Variants in FAT4 observed in about 807,000 individuals in gnomAD.
FAT4 encodes protocadherin Fat 4.
Under a neutral mutation model 303.9 loss-of-function variants are expected in FAT4, and 84 were observed. The observed-to-expected ratio is 0.28, with a 90% CI of 0.23 to 0.33. The LOEUF is 0.33. Ranked by LOEUF, FAT4 falls within the 10% of genes least tolerant of loss-of-function variation. FAT4 has a pLI of 1.00. For synonymous variants in FAT4, 2,307 were observed against 2,298.8 expected, an observed-to-expected ratio of 1.00 and a Z score of -0.10; for missense variants, 6,005 against 6,146.8, an observed-to-expected ratio of 0.98 and a Z score of 0.77.
At chr4:125,389,969 A>G (rs1470827189) in intron 2 of FAT4, among the ~76,000 whole-genome samples, 3 of 152,202 alleles carry the variant, frequency 2.0e-5, no homozygotes, top group Non-Finnish European at 4.4e-5. Flanking sequence ...GCTCTGCTAC[A>G]TGATGAAGTG....
chr4:125,481,658 C>G lies in FAT4; in HGVS notation c.12742C>G (p.Leu4248Val), dbSNP rs1727233813. The change falls in exon 16 of 18, where the codon CTG becomes GTG. Residue 4248 changes from leucine to valine, a missense_variant. Transcript: ENST00000394329. ...GTTGGAGCCTTTTGGTGTGAACAGT[C>G]TGGAAGTAAAATTTAGGACCAGAAG... ...AMLEPFGVNS[L>V]EVKFRTRSEN... The G allele has an allele frequency of 1.9e-6, 3 of 1,613,996 alleles. No individual in the cohort carries two copies. The East Asian group carries it at 6.7e-5, about 36-fold the overall frequency.
chr4:125,405,239 T>C (rs1230009181), intron 3 of FAT4, among the ~76,000 whole-genome samples: 1 of 152,128 alleles, frequency 6.6e-6, no homozygotes, highest in Non-Finnish European at 1.5e-5. Flanking sequence ...TTCCAAATCA[T>C]GACCATTGTG....
Position 125,406,973 on chromosome 4 carries a change from C to T in FAT4, c.5401C>T (p.Arg1801Trp), listed in dbSNP as rs201887525. The change falls in exon 4 of 18, where the codon CGG becomes TGG. Residue 1801 changes from arginine (R) to tryptophan (W), a missense_variant. Arg to Trp is a moderately radical substitution (Grantham distance 101). Coordinates refer to ENST00000394329, the MANE Select transcript of FAT4 (RefSeq NM_001291303.3). Reference sequence around the variant, plus strand: ...ATCCGGAGATCTGATAGCAACCAGGCGGTTGGACAGGGAACGCCGCTCCAA... The same window carrying T: ...ATCCGGAGATCTGATAGCAACCAGGTGGTTGGACAGGGAACGCCGCTCCAA... ...PESGDLIATRRLDRERRSKYS... is the reference protein window; with the variant it reads ...PESGDLIATRWLDRERRSKYS... 2.2e-4 allele frequency: 358 copies of T among 1,613,780 alleles called. 1 individual carries two copies. Among genetic ancestry groups the T allele is most frequent in the East Asian group, 3.3e-4 (15 of 44,846 alleles).
At chr4:125,369,458 T>TA (rs1312952079) in intron 2 of FAT4, among the ~76,000 whole-genome samples, 5 of 151,722 alleles carry the variant, frequency 3.3e-5, no homozygotes, top group Admixed American at 6.6e-5. Flanking sequence ...AACAAATAAA[T>TA]AAAAAAACAA....
At chr4:125,390,825 C>T (rs928475387) in intron 2 of FAT4, among the ~76,000 whole-genome samples, 9 of 152,086 alleles carry the variant, frequency 5.9e-5, no homozygotes, top group African/African-American at 2.2e-4. Flanking sequence ...CTGAACAAAA[C>T]ATATTAAGGA....
chr4:125,405,104 T>C (rs1458079322), intron 3 of FAT4, among the ~76,000 whole-genome samples: 1 of 152,040 alleles, frequency 6.6e-6, no homozygotes, highest in Non-Finnish European at 1.5e-5. Context: ...CCTTTGAACA[T>C]CATATTGGCA....
intron 3 of FAT4, among the ~76,000 whole-genome samples, chr4:125,406,140 G>T (rs1734598314): frequency 6.6e-6 from 1 of 151,974 alleles, no homozygotes; most frequent in Non-Finnish European, 1.5e-5. Flanking sequence ...TATAGTTTCA[G>T]GTCTTAATTT....
Position 125,408,532 on chromosome 4 carries a change from T to C in FAT4, c.5658T>C (p.Asp1886=). The C allele has an allele frequency of 6.2e-7, 1 of 1,613,032 alleles. No individual in the cohort carries two copies. The highest frequency in any genetic ancestry group is 2.2e-5 in the East Asian group (1 of 44,804). ...ITYIVNEDDE[D]GIFFLNPITG... is the part of the protein sequence containing the mutation. The stretch of plus-strand genomic sequence containing the variant: ...ATATTGTGAATGAAGATGATGAAGA[T>C]GGCATCTTTTTCCTGAATCCTATTA... Residue 1886 remains aspartate, a synonymous_variant, in exon 5 of 18, where the codon GAT becomes GAC. Transcript: ENST00000394329.
intron 6 of FAT4, 121 bp downstream of exon 6, chr4:125,415,927 C>A: frequency 1.4e-6 from 1 of 738,946 alleles, no homozygotes; most frequent in Non-Finnish European, 2.2e-6. Flanking sequence ...CATAAATGCT[C>A]AATTGCAGAT....
Position 125,318,284 on chromosome 4 carries a change from G to T in FAT4, c.1873G>T (p.Ala625Ser). 1 of 1,614,214 alleles carries T rather than the reference G, an allele frequency of 6.2e-7. No individual in the cohort carries two copies. The part of the protein sequence containing the change: ...NGTVRFSLQE[A>S]ETDRRSFRLD... ...AACAGTGCGCTTCTCCTTACAAGAGGCAGAGACTGACCGGAGGTCCTTCCG... is the reference window on the plus strand; with the variant it reads ...AACAGTGCGCTTCTCCTTACAAGAGTCAGAGACTGACCGGAGGTCCTTCCG... The change falls in exon 2 of 18, where the codon GCA becomes TCA. Residue 625 changes from alanine (A) to serine (S), a missense_variant. Ala to Ser is a moderately conservative substitution (Grantham distance 99). Coordinates refer to ENST00000394329, the MANE Select transcript of FAT4 (RefSeq NM_001291303.3).
Position 125,415,763 on chromosome 4 carries a change from A to G in FAT4, c.6800A>G (p.Asn2267Ser), listed in dbSNP as rs770338666. The G allele has an allele frequency of 9.3e-6, 15 of 1,613,676 alleles. No homozygotes were observed. In the African/African-American group the frequency reaches 1.9e-4, roughly 20 times the overall value. Residue 2267 changes from asparagine to serine, a missense_variant, in exon 6 of 18, where the codon AAT (asparagine) becomes AGT (serine). Transcript: ENST00000394329. The stretch of plus-strand genomic sequence containing the variant: ...TTTGAGCTATCTCCATATTCTGTAA[A>G]TGTCCCTGAGAATTTAGGGACACTA... The part of the protein sequence containing the change: ...PVFELSPYSV[N>S]VPENLGTLPR...
At position 125,319,259 on chromosome 4, in the gene FAT4, A is replaced by C. The variant is rs1170813238; in HGVS notation, c.2848A>C (p.Ser950Arg). The change falls in exon 2 of 18, where the codon AGT becomes CGT. Residue 950 changes from serine (S) to arginine (R), a missense_variant. Coordinates refer to ENST00000394329, the MANE Select transcript of FAT4 (RefSeq NM_001291303.3). ...FAINEKNGTISLLGPLDVHAG... is the reference protein window; with the variant it reads ...FAINEKNGTIRLLGPLDVHAG... Reference sequence around the variant, plus strand: ...TATCAATGAAAAGAATGGCACTATTAGTCTGCTTGGGCCCCTGGATGTTCA... The same window carrying C: ...TATCAATGAAAAGAATGGCACTATTCGTCTGCTTGGGCCCCTGGATGTTCA... 6.2e-7 allele frequency: 1 copy of C among 1,614,056 alleles called. No individual in the cohort carries two copies. The highest frequency in any genetic ancestry group is 8.5e-7 in the Non-Finnish European group (1 of 1,180,026).
At chr4:125,470,622 A>G (rs1726825831) in intron 12 of FAT4, among the ~76,000 whole-genome samples, 1 of 152,192 alleles carries the variant, frequency 6.6e-6, no homozygotes, top group Non-Finnish European at 1.5e-5. Flanking sequence ...AACCTCTGCT[A>G]CATTCCAACT....
At chr4:125,333,907 G>A (rs1342176508) in intron 2 of FAT4, among the ~76,000 whole-genome samples, 1 of 152,060 alleles carries the variant, frequency 6.6e-6, no homozygotes, top group Non-Finnish European at 1.5e-5. Flanking sequence ...AATATCCTAA[G>A]GCTAGGAAGG....
chr4:125,415,509 T>G lies in FAT4; in HGVS notation c.6546T>G (p.Asp2182Glu). 6.2e-7 allele frequency: 1 copy of G among 1,614,136 alleles called. No homozygotes were observed. Among genetic ancestry groups the G allele is most frequent in the Non-Finnish European group, 8.5e-7 (1 of 1,179,988 alleles). Reference protein sequence around the residue: ...DIIQVFAADGDEGTNGQVRYG... With the variant: ...DIIQVFAADGEEGTNGQVRYG... Reference sequence around the variant, plus strand: ...TACAAGTGTTCGCAGCAGATGGAGATGAAGGCACAAATGGACAGGTTCGCT... The same window carrying G: ...TACAAGTGTTCGCAGCAGATGGAGAGGAAGGCACAAATGGACAGGTTCGCT... The change falls in exon 6 of 18, where the codon GAT becomes GAG. Residue 2182 changes from aspartate (D) to glutamate (E), a missense_variant. Physicochemically the swap from Asp to Glu is conservative, Grantham distance 45. Transcript: ENST00000394329.
chr4:125,384,573 T>C (rs1175735655), intron 2 of FAT4, among the ~76,000 whole-genome samples: 1 of 152,140 alleles, frequency 6.6e-6, no homozygotes, highest in Non-Finnish European at 1.5e-5. Flanking sequence ...TTCAGATATA[T>C]GACTTGCAAA....
intron 2 of FAT4, among the ~76,000 whole-genome samples, chr4:125,327,308 T>C (rs141015331): frequency 3.0e-4 from 46 of 152,300 alleles, no homozygotes; most frequent in African/African-American, 1.0e-3. Context: ...CACTGGAGTT[T>C]AAGAAGGTGG....
intron 12 of FAT4, among the ~76,000 whole-genome samples, chr4:125,469,321 G>A (rs1013230336): frequency 2.0e-5 from 3 of 152,188 alleles, no homozygotes; most frequent in Non-Finnish European, 4.4e-5. Context: ...AGGTAGTAGT[G>A]GCTGAAGATT....
rs200340874 is a variant in FAT4, at chr4:125,317,465, G to A, written c.1054G>A (p.Val352Ile). ...QLLDVNDNDP[V>I]VKFRYFPATS... Reference sequence around the variant, plus strand: ...GCTGGACGTGAATGACAATGACCCGGTAGTGAAGTTCCGCTACTTCCCGGC... The same window carrying A: ...GCTGGACGTGAATGACAATGACCCGATAGTGAAGTTCCGCTACTTCCCGGC... The change falls in exon 2 of 18, where the codon GTA becomes ATA. Residue 352 changes from valine (V) to isoleucine (I), a missense_variant. Coordinates refer to ENST00000394329, the MANE Select transcript of FAT4 (RefSeq NM_001291303.3). This position sits in a 1 kb window ranked among gnomAD's most constrained non-coding sequence, Gnocchi z 7.0. The A allele has an allele frequency of 4.3e-6, 7 of 1,613,688 alleles. No individual in the cohort carries two copies. In the Middle Eastern group the frequency reaches 4.9e-4, roughly 114 times the overall value.
Sources: allele counts gnomAD v4.1 joint callset (sites outside exome capture counted in the v4.1 genomes callset), GRCh38; gene constraint gnomAD v4.1.1; non-coding constraint Gnocchi (gnomAD v3.1); transcripts MANE v1.5; gene names NCBI Gene and HGNC (gene_info 2026-07-23, HGNC 2026-07-21).